The following PCM1 variants were observed in gnomAD, a reference collection of about 807,000 sequenced individuals.
PCM1 encodes pericentriolar material 1.
A neutral mutation model predicts 241.9 loss-of-function variants in PCM1; 157 were observed. That is an observed-to-expected ratio of 0.65 (90% CI 0.57 to 0.74). The LOEUF (loss-of-function observed/expected upper bound fraction) is 0.74. Ranked by LOEUF, PCM1 falls within the 30% of genes least tolerant of loss-of-function variation. The pLI is 0.00. For missense variants in PCM1, 3,478 were observed against 2,360.1 expected (o/e 1.47, Z -9.81); for synonymous variants, 1,085 against 784.9 (o/e 1.38, Z -6.39).
chr8:18,007,994 A>T (rs1026467392), intron 30 of PCM1, among the ~76,000 whole-genome samples: 10 of 152,216 alleles, frequency 6.6e-5, no homozygotes, highest in African/African-American at 2.4e-4. Flanking sequence ...TAAAATAATC[A>T]AAAGGGTCAG....
intron 29 of PCM1, 129 bp from the exon 30 acceptor site, chr8:18,006,134 A>G: frequency 1.4e-6 from 1 of 717,728 alleles, no homozygotes; most frequent in Non-Finnish European, 2.2e-6. Context: ...ATTTCTAAAC[A>G]GACATCTGAA....
chr8:18,014,504 C>T (rs981332607), intron 35 of PCM1, 80 bp from the exon 36 acceptor site: 37 of 1,097,098 alleles, frequency 3.4e-5, no homozygotes, highest in South Asian at 8.7e-5. Flanking sequence ...CTTATTCAGG[C>T]GTATTGTCTT....
intron 2 of PCM1, chr8:17,925,366 C>A (rs2056520643): frequency 6.6e-6 from 1 of 152,062 alleles, no homozygotes; most frequent in Non-Finnish European, 1.5e-5. Flanking sequence ...AATGTAAGTT[C>A]ACTAGGAGAA....
At chr8:18,004,848 A>G (rs1588300009) in intron 29 of PCM1, among the ~76,000 whole-genome samples, 1 of 152,272 alleles carries the variant, frequency 6.6e-6, no homozygotes, top group East Asian at 1.9e-4. Context: ...ACCTGTCGTA[A>G]TAGGCATGAA....
chr8:17,977,672 A>G (rs2079238007), intron 23 of PCM1, among the ~76,000 whole-genome samples: 1 of 152,132 alleles, frequency 6.6e-6, no homozygotes, highest in African/African-American at 2.4e-5. Flanking sequence ...GTTGGCAGAA[A>G]GGTTATTGAG....
At chr8:17,991,340 T>C (rs990541244) in intron 27 of PCM1, among the ~76,000 whole-genome samples, 1 of 152,182 alleles carries the variant, frequency 6.6e-6, no homozygotes. Context: ...ATGAAAGTAA[T>C]GTCATCTACT....
intron 36 of PCM1, among the ~76,000 whole-genome samples, chr8:18,021,111 G>A (rs981687755): frequency 6.6e-6 from 1 of 152,174 alleles, no homozygotes; most frequent in African/African-American, 2.4e-5. Context: ...AAACAATGCT[G>A]TGCACTTGAG....
chr8:17,928,552 C>G (rs1425429581), intron 2 of PCM1, among the ~76,000 whole-genome samples: 2 of 151,566 alleles, frequency 1.3e-5, no homozygotes, highest in East Asian at 3.9e-4. Context: ...ATGGCCCCCG[C>G]TTTCTCAGAG....
At chr8:17,929,230 A>C (rs1022764230) in intron 2 of PCM1, among the ~76,000 whole-genome samples, 1 of 152,110 alleles carries the variant, frequency 6.6e-6, no homozygotes, top group African/African-American at 2.4e-5. Context: ...TTGGTTTCTT[A>C]TCACATTCTA....
chr8:17,947,069 A>G (rs980870761), intron 6 of PCM1, 117 bp from the exon 7 acceptor site: 3 of 593,198 alleles, frequency 5.1e-6, no homozygotes, highest in Admixed American at 3.2e-5. Flanking sequence ...CTAAAACTAT[A>G]TTTAGGGTTG....
intron 13 of PCM1, among the ~76,000 whole-genome samples, chr8:17,958,274 T>G (rs947331284): frequency 6.6e-6 from 1 of 152,146 alleles, no homozygotes; most frequent in Non-Finnish European, 1.5e-5. Flanking sequence ...GACTTCCTGA[T>G]ACCAGAGCCT....
intron 2 of PCM1, among the ~76,000 whole-genome samples, chr8:17,928,616 CTTTTTTTTTTTTTTT>C (rs71215287): frequency 4.0e-4 from 33 of 82,586 alleles, no homozygotes; most frequent in African/African-American, 1.5e-3. Context: ...GTATCTCCCT[CTTTTTTTTTTTTTTT>C]TTTTTTTTTT....
At position 17,960,370 on chromosome 8, in the gene PCM1, C is replaced by G. The variant is rs1404607902; in HGVS notation, c.2248C>G (p.Gln750Glu). 6.2e-7 allele frequency: 1 copy of G among 1,607,580 alleles called. No individual in the cohort carries two copies. The highest frequency in any genetic ancestry group is 2.2e-5 in the East Asian group (1 of 44,710). Residue 750 changes from glutamine to glutamate, a missense_variant, in exon 15 of 39, where the codon CAG (glutamine) becomes GAG (glutamate). Physicochemically the swap from Gln to Glu is conservative, Grantham distance 29. Transcript: ENST00000325083. ...QQQQRELKQLQEERKKLIDIQ... is the reference protein window; with the variant it reads ...QQQQRELKQLEEERKKLIDIQ... ...GCAACAGAGAGAGCTAAAACAATTG[C>G]AGGAAGAAAGAAAGAAACTGATTGA... is the stretch of plus-strand genomic sequence containing the variant.
At chr8:18,002,208 A>G (rs1412654386) in intron 29 of PCM1, among the ~76,000 whole-genome samples, 1 of 19,488 alleles carries the variant, frequency 5.1e-5, no homozygotes, top group Admixed American at 5.4e-4. Flanking sequence ...ATATCTCCCA[A>G]TGCTATCCCT....
intron 26 of PCM1, among the ~76,000 whole-genome samples, chr8:17,988,565 G>A (rs1259478876): frequency 6.6e-6 from 1 of 151,648 alleles, no homozygotes; most frequent in Non-Finnish European, 1.5e-5. Flanking sequence ...ACAAAAATAG[G>A]AATTTTCTGC....
intron 21 of PCM1, among the ~76,000 whole-genome samples, chr8:17,969,141 A>C (rs1236879251): frequency 6.6e-6 from 1 of 152,174 alleles, no homozygotes; most frequent in Admixed American, 6.6e-5. Context: ...ACATAAGCGT[A>C]GGAGTCATAC....
At chr8:18,003,427 C>T (rs182228541) in intron 29 of PCM1, among the ~76,000 whole-genome samples, 8 of 152,252 alleles carry the variant, frequency 5.3e-5, no homozygotes, top group Non-Finnish European at 1.2e-4. Context: ...AGGCACATTG[C>T]CCACATTATG....
Position 17,972,465 on chromosome 8 carries a change from A to C in PCM1, c.3721A>C (p.Lys1241Gln), listed in dbSNP as rs1279855945. The C allele has an allele frequency of 6.2e-7, 1 of 1,613,812 alleles. No individual in the cohort carries two copies. Residue 1241 changes from lysine (K) to glutamine (Q), a missense_variant, in exon 23 of 39, where the codon AAA (lysine) becomes CAA (glutamine). Lys to Gln is a moderately conservative substitution (Grantham distance 53). Coordinates refer to ENST00000325083, the MANE Select transcript of PCM1 (RefSeq NM_006197.4). ...SVEKSTSSNR[K>Q]NQLDTNGRRR... Reference sequence around the variant, plus strand: ...AGAAAAATCTACAAGTAGTAACCGCAAAAATCAATTAGATACAAACGGAAG... The same window carrying C: ...AGAAAAATCTACAAGTAGTAACCGCCAAAATCAATTAGATACAAACGGAAG...
At chr8:17,958,286 C>T (rs925302485) in intron 13 of PCM1, among the ~76,000 whole-genome samples, 37 of 152,104 alleles carry the variant, frequency 2.4e-4, no homozygotes, top group African/African-American at 6.3e-4. Context: ...CCAGAGCCTG[C>T]GATCTTAACC....
Sources: allele counts gnomAD v4.1 joint callset (sites outside exome capture counted in the v4.1 genomes callset), GRCh38; gene constraint gnomAD v4.1.1; transcripts MANE v1.5; gene names NCBI Gene and HGNC (gene_info 2026-07-23, HGNC 2026-07-21).